EGR1: variants seen among roughly 807,000 people sequenced by gnomAD.
EGR1 encodes the protein early growth response 1, also known as early growth response protein 1.
In EGR1, 8 loss-of-function variants were observed where a neutral mutation model predicts 30.2. That is an observed-to-expected ratio of 0.26 (90% CI 0.16 to 0.48). EGR1 has a LOEUF of 0.48. EGR1 is among the 20% of genes least tolerant of loss of function. The pLI, the probability that EGR1 is intolerant of heterozygous loss-of-function variation, is 0.99. For synonymous variants in EGR1, 334 were observed against 312.8 expected (o/e 1.07, Z -0.72); for missense variants, 568 against 732.3 (o/e 0.78, Z 2.59).
chr5:138,465,739 G>A lies in EGR1; in HGVS notation c.-23G>A, dbSNP rs1186540023. On this transcript the variant is annotated 5_prime_UTR_variant, in exon 1 of 2. Coordinates refer to ENST00000239938, the MANE Select transcript of EGR1 (RefSeq NM_001964.3). ...GCTGCACCCCCCCGCCCCGACACCA[G>A]CTCTCCAGCCTGCTCGTCCAGGATG... The A allele has an allele frequency of 1.3e-6, 2 of 1,544,322 alleles. No homozygotes were observed. The highest frequency in any genetic ancestry group is 1.8e-6 in the Non-Finnish European group (2 of 1,139,482).
Position 138,466,064 on chromosome 5 carries a change from C to T in EGR1, c.303C>T (p.Thr101=), listed in dbSNP as rs1382936992. 11 of 1,576,774 alleles carry T rather than the reference C, an allele frequency of 7.0e-6. No individual in the cohort carries two copies. The South Asian group carries it at 8.3e-5, about 12-fold the overall frequency. The part of the protein sequence containing the change: ...DTGEQPYEHL[T]AESFPDISLN... ...GCGAGCAGCCCTACGAGCACCTGAC[C>T]GCAGGTAAGCAGTGGCCTACGCCGA... Residue 101 remains threonine, a synonymous_variant, in exon 1 of 2, where the codon ACC becomes ACT. Transcript: ENST00000239938.
Position 138,466,962 on chromosome 5 carries a change from G to C in EGR1, c.513G>C (p.Ser171=), listed in dbSNP as rs11953917. ...GCATGACCAACCCACCGGCCTCCTC[G>C]TCCTCAGCACCATCTCCAGCGGCCT... is the stretch of plus-strand genomic sequence containing the variant. ...LVSMTNPPAS[S]SSAPSPAASS... Residue 171 remains serine, a synonymous_variant, in exon 2 of 2, where the codon TCG becomes TCC. Transcript: ENST00000239938. 4,016 of 1,613,892 alleles carry C rather than the reference G, an allele frequency of 2.5e-3. 75 individuals are homozygous for C. In the African/African-American group the frequency reaches 0.046, roughly 19 times the overall value.
chr5:138,468,348 A>G lies in EGR1; in HGVS notation c.*267A>G. The G allele has an allele frequency of 1.5e-6, 1 of 652,502 alleles. No homozygotes were observed. Among genetic ancestry groups the G allele is most frequent in the South Asian group, 1.5e-5 (1 of 66,706 alleles). The allele number at this position is 652,502 out of a possible 1,614,324, so 40.4% of individuals were successfully genotyped here. A position where few individuals can be genotyped will look rare whatever the true frequency, so the allele number is the denominator to read the frequency against. ...TCTTCACCTCTATCCAAAGAACTTG[A>G]TTTGCATGGATTTTGGATAAATCAT... On this transcript the variant is annotated 3_prime_UTR_variant, in exon 2 of 2. Coordinates refer to ENST00000239938, the MANE Select transcript of EGR1 (RefSeq NM_001964.3).
chr5:138,466,689 G>C (rs766832017), intron 1 of EGR1, 68 bp from the exon 2 acceptor site: 24 of 1,533,544 alleles, frequency 1.6e-5, no homozygotes, highest in Non-Finnish European at 2.1e-5. Flanking sequence ...CTGGCAGCTC[G>C]GGTCGTCCTC....
In EGR1 at chr5:138,467,488, C is replaced by T; in HGVS notation, c.1039C>T (p.Arg347Cys). The T allele has an allele frequency of 1.9e-6, 3 of 1,613,090 alleles. No homozygotes were observed. The highest frequency in any genetic ancestry group is 2.5e-6 in the Non-Finnish European group (3 of 1,180,012). ...CGCTTGCCCAGTGGAGTCCTGTGATCGCCGCTTCTCCCGCTCCGACGAGCT... is the reference window on the plus strand; with the variant it reads ...CGCTTGCCCAGTGGAGTCCTGTGATTGCCGCTTCTCCCGCTCCGACGAGCT... ...PYACPVESCDRRFSRSDELTR... is the reference protein window; with the variant it reads ...PYACPVESCDCRFSRSDELTR... The change falls in exon 2 of 2, where the codon CGC becomes TGC. Residue 347 changes from arginine to cysteine, a missense_variant. Around this residue, in one of 4 missense-constraint regions of EGR1, gnomAD observed 18 missense variants for 27.7 expected, o/e 0.65. Transcript: ENST00000239938. The surrounding 1 kb of genome is among the most constrained non-coding windows in gnomAD (Gnocchi z 8.3).
In EGR1 at chr5:138,467,019, G is replaced by A; in HGVS notation, c.570G>A (p.Leu190=). ...CCTCCGCCTCCCAGAGCCCACCCCT[G>A]AGCTGCGCAGTGCCATCCAACGACA... ...SSASASQSPP[L]SCAVPSNDSS... is the part of the protein sequence containing the mutation. The change falls in exon 2 of 2, where the codon CTG becomes CTA. Residue 190 remains leucine, a synonymous_variant. Coordinates refer to ENST00000239938, the MANE Select transcript of EGR1 (RefSeq NM_001964.3). This position sits in a 1 kb window ranked among gnomAD's most constrained non-coding sequence, Gnocchi z 8.3. The A allele has an allele frequency of 6.2e-7, 1 of 1,614,024 alleles. No homozygotes were observed. The highest frequency in any genetic ancestry group is 8.5e-7 in the Non-Finnish European group (1 of 1,180,024).
At position 138,468,122 on chromosome 5, in the gene EGR1, A is replaced by G. The variant is rs200649112; in HGVS notation, c.*41A>G. ...AAAGGGAAAAGGGAGAAAAAGAAAC[A>G]CAAGAGACTTAAAGGACAGGAGGAG... On this transcript the variant is annotated 3_prime_UTR_variant, in exon 2 of 2. Coordinates refer to ENST00000239938, the MANE Select transcript of EGR1 (RefSeq NM_001964.3). 1 of 1,537,732 alleles carries G rather than the reference A, an allele frequency of 6.5e-7. No individual in the cohort carries two copies. Among genetic ancestry groups the G allele is most frequent in the South Asian group, 1.3e-5 (1 of 78,436 alleles).
rs1474289680 is a variant in EGR1 at position 138,466,889 on chromosome 5, A to T, written c.440A>T (p.Asn147Ile). 1 of 1,613,984 alleles carries T rather than the reference A, an allele frequency of 6.2e-7. No individual in the cohort carries two copies. The highest frequency in any genetic ancestry group is 1.1e-5 in the South Asian group (1 of 91,086). The change falls in exon 2 of 2, where the codon AAC (asparagine) becomes ATC (isoleucine). Residue 147 changes from asparagine (N) to isoleucine (I), a missense_variant. Around this residue, in one of 4 missense-constraint regions of EGR1, gnomAD observed 415 missense variants for 445.2 expected, o/e 0.93. Coordinates refer to ENST00000239938, the MANE Select transcript of EGR1 (RefSeq NM_001964.3). ...FSLEPAPNSGNTLWPEPLFSL... is the reference protein window; with the variant it reads ...FSLEPAPNSGITLWPEPLFSL... ...CTGGAGCCTGCACCCAACAGTGGCAACACCTTGTGGCCCGAGCCCCTCTTC... is the reference window on the plus strand; with the variant it reads ...CTGGAGCCTGCACCCAACAGTGGCATCACCTTGTGGCCCGAGCCCCTCTTC...
At position 138,467,259 on chromosome 5, in the gene EGR1, C is replaced by G; in HGVS notation, c.810C>G (p.Asp270Glu). 1 of 1,613,990 alleles carries G rather than the reference C, an allele frequency of 6.2e-7. No homozygotes were observed. Among genetic ancestry groups the G allele is most frequent in the Non-Finnish European group, 8.5e-7 (1 of 1,180,018 alleles). ...GGGATCTGGGCCTGGGCACCCCAGA[C>G]CAGAAGCCCTTCCAGGGCCTGGAGA... ...QQGDLGLGTP[D>E]QKPFQGLESR... Residue 270 changes from aspartate (D) to glutamate (E), a missense_variant, in exon 2 of 2, where the codon GAC becomes GAG. By Grantham distance (45) the Asp-to-Glu change is conservative. Around this residue, in one of 4 missense-constraint regions of EGR1, gnomAD observed 415 missense variants for 445.2 expected, o/e 0.93. Coordinates refer to ENST00000239938, the MANE Select transcript of EGR1 (RefSeq NM_001964.3). The surrounding 1 kb of genome is among the most constrained non-coding windows in gnomAD (Gnocchi z 8.3).
At position 138,468,797 on chromosome 5, in the gene EGR1, T is replaced by G. The variant is rs199986332; in HGVS notation, c.*716T>G. On this transcript the variant is annotated 3_prime_UTR_variant, in exon 2 of 2. Coordinates refer to ENST00000239938, the MANE Select transcript of EGR1 (RefSeq NM_001964.3). ...ATGGTTTGGTTTTTCTTTTTTTTTT[T>G]TTTTGAAAGTGTTTTTTCTTCGTCC... The G allele has an allele frequency of 6.6e-6, 1 of 152,398 alleles. No individual in the cohort carries two copies. Among genetic ancestry groups the G allele is most frequent in the Non-Finnish European group, 1.5e-5 (1 of 68,028 alleles). The allele number at this position is 152,398 out of a possible 1,614,324, so 9.4% of individuals were successfully genotyped here.
At position 138,465,732 on chromosome 5, in the gene EGR1, G is replaced by A; in HGVS notation, c.-30G>A. 9.0e-7 allele frequency: 1 copy of A among 1,108,294 alleles called. No individual in the cohort carries two copies. Among genetic ancestry groups the A allele is most frequent in the Non-Finnish European group, 1.3e-6 (1 of 770,152 alleles). The allele number at this position is 1,108,294 out of a possible 1,614,324, so 68.7% of individuals were successfully genotyped here. A position where few individuals can be genotyped will look rare whatever the true frequency, so the allele number is the denominator to read the frequency against. On this transcript the variant is annotated 5_prime_UTR_variant, in exon 1 of 2. Transcript: ENST00000239938. ...GCCCCGGGCTGCACCCCCCCGCCCC[G>A]ACACCAGCTCTCCAGCCTGCTCGTC... is the stretch of plus-strand genomic sequence containing the variant.
In EGR1 at chr5:138,465,700, A is replaced by C; in HGVS notation, c.-62A>C. 79 of 1,246,926 alleles carry C rather than the reference A, an allele frequency of 6.3e-5. No homozygotes were observed. The highest frequency in any genetic ancestry group is 7.6e-5 in the Non-Finnish European group (69 of 909,640). 77.2% of individuals were successfully genotyped at this position (1,246,926 alleles called of 1,614,324 possible). ...AGGCCCCCGCAACTGTGTCCCCTGCAGCTCCAGCCCCGGGCTGCACCCCCC... is the reference window on the plus strand; with the variant it reads ...AGGCCCCCGCAACTGTGTCCCCTGCCGCTCCAGCCCCGGGCTGCACCCCCC... On this transcript the variant is annotated 5_prime_UTR_variant, in exon 1 of 2. Transcript: ENST00000239938.
In EGR1 at chr5:138,466,876, C is replaced by G. The variant is rs2127037153; in HGVS notation, c.427C>G (p.Pro143Ala). 1 of 1,614,110 alleles carries G rather than the reference C, an allele frequency of 6.2e-7. No homozygotes were observed. Among genetic ancestry groups the G allele is most frequent in the East Asian group, 2.2e-5 (1 of 44,858 alleles). Residue 143 changes from proline to alanine, a missense_variant, in exon 2 of 2, where the codon CCC becomes GCC. Pro to Ala is a conservative substitution (Grantham distance 27). Around this residue, in one of 4 missense-constraint regions of EGR1, gnomAD observed 415 missense variants for 445.2 expected, o/e 0.93. Coordinates refer to ENST00000239938, the MANE Select transcript of EGR1 (RefSeq NM_001964.3). ...TGGCCGCTTTTCCCTGGAGCCTGCA[C>G]CCAACAGTGGCAACACCTTGTGGCC... ...YTGRFSLEPAPNSGNTLWPEP... is the reference protein window; with the variant it reads ...YTGRFSLEPAANSGNTLWPEP...
In EGR1 at chr5:138,465,955, G is replaced by T; in HGVS notation, c.194G>T (p.Ser65Ile). The change falls in exon 1 of 2, where the codon AGC (serine) becomes ATC (isoleucine). Residue 65 changes from serine to isoleucine, a missense_variant. Ser to Ile is a moderately radical substitution (Grantham distance 142). Around this residue, in one of 4 missense-constraint regions of EGR1, gnomAD observed 415 missense variants for 445.2 expected, o/e 0.93. Transcript: ENST00000239938. ...GGCAGCGGCAGCAACAGCAGCAGCAGCAGCAGCGGGGGCGGTGGAGGCGGC... is the reference window on the plus strand; with the variant it reads ...GGCAGCGGCAGCAACAGCAGCAGCATCAGCAGCGGGGGCGGTGGAGGCGGC... ...PEGSGSNSSSSSSGGGGGGGG... is the reference protein window; with the variant it reads ...PEGSGSNSSSISSGGGGGGGG... 6.2e-7 allele frequency: 1 copy of T among 1,612,300 alleles called. No individual in the cohort carries two copies. The highest frequency in any genetic ancestry group is 8.5e-7 in the Non-Finnish European group (1 of 1,179,250).
At position 138,465,838 on chromosome 5, in the gene EGR1, C is replaced by G; in HGVS notation, c.77C>G (p.Ser26Trp). 1 of 1,613,988 alleles carries G rather than the reference C, an allele frequency of 6.2e-7. No homozygotes were observed. Among genetic ancestry groups the G allele is most frequent in the Non-Finnish European group, 8.5e-7 (1 of 1,179,852 alleles). ...GACCCGTTCGGATCCTTTCCTCACT[C>G]GCCCACCATGGACAACTACCCTAAG... ...ISDPFGSFPH[S>W]PTMDNYPKLE... is the part of the protein sequence containing the mutation. Residue 26 changes from serine (S) to tryptophan (W), a missense_variant, in exon 1 of 2, where the codon TCG (serine) becomes TGG (tryptophan). Ser to Trp is a radical substitution (Grantham distance 177). Coordinates refer to ENST00000239938, the MANE Select transcript of EGR1 (RefSeq NM_001964.3).
At position 138,468,623 on chromosome 5, in the gene EGR1, T is replaced by C. The variant is rs987380067; in HGVS notation, c.*542T>C. 1.8e-5 allele frequency: 3 copies of C among 170,672 alleles called. No individual in the cohort carries two copies. 10.6% of individuals were successfully genotyped at this position (170,672 alleles called of 1,614,324 possible). A position where few individuals can be genotyped will look rare whatever the true frequency, so the allele number is the denominator to read the frequency against. The stretch of plus-strand genomic sequence containing the variant: ...GAAAAGCCAAGCAAACCAATGGTGA[T>C]CCTCTATTTTGTGATGATGCTGTGA... On this transcript the variant is annotated 3_prime_UTR_variant, in exon 2 of 2. Coordinates refer to ENST00000239938, the MANE Select transcript of EGR1 (RefSeq NM_001964.3).
Position 138,466,059 on chromosome 5 carries a change from C to A in EGR1, c.298C>A (p.Leu100Met). Residue 100 changes from leucine (L) to methionine (M), a missense_variant, in exon 1 of 2, where the codon CTG becomes ATG. Physicochemically the swap from Leu to Met is conservative, Grantham distance 15. This residue lies in a region of EGR1 where 415 missense variants were observed against 445.2 expected (regional missense o/e 0.93). Transcript: ENST00000239938. ...CACGGGCGAGCAGCCCTACGAGCAC[C>A]TGACCGCAGGTAAGCAGTGGCCTAC... ...ADTGEQPYEHLTAESFPDISL... is the reference protein window; with the variant it reads ...ADTGEQPYEHMTAESFPDISL... The A allele has an allele frequency of 6.3e-7, 1 of 1,581,858 alleles. No homozygotes were observed. Among genetic ancestry groups the A allele is most frequent in the Middle Eastern group, 1.7e-4 (1 of 5,920 alleles).
chr5:138,466,901 C>T lies in EGR1; in HGVS notation c.452C>T (p.Pro151Leu). The change falls in exon 2 of 2, where the codon CCC becomes CTC. Residue 151 changes from proline to leucine, a missense_variant. This residue lies in a region of EGR1 where 415 missense variants were observed against 445.2 expected (regional missense o/e 0.93). Coordinates refer to ENST00000239938, the MANE Select transcript of EGR1 (RefSeq NM_001964.3). The part of the protein sequence containing the change: ...PAPNSGNTLW[P>L]EPLFSLVSGL... The stretch of plus-strand genomic sequence containing the variant: ...CCCAACAGTGGCAACACCTTGTGGC[C>T]CGAGCCCCTCTTCAGCTTGGTCAGT... The T allele has an allele frequency of 6.2e-7, 1 of 1,614,054 alleles. No homozygotes were observed.
chr5:138,468,175 T>C lies in EGR1; in HGVS notation c.*94T>C. On this transcript the variant is annotated 3_prime_UTR_variant, in exon 2 of 2. Transcript: ENST00000239938. ...GATGGCCATAGGAGAGGAGGGTTCC[T>C]CTTAGGTCAGATGGAGGTTCTCAGA... 2 of 1,526,786 alleles carry C rather than the reference T, an allele frequency of 1.3e-6. No individual in the cohort carries two copies. The highest frequency in any genetic ancestry group is 1.8e-6 in the Non-Finnish European group (2 of 1,137,748). 94.6% of individuals were successfully genotyped at this position (1,526,786 alleles called of 1,614,324 possible).
Sources: gnomAD v4.1 joint callset for allele counts on GRCh38, gnomAD v4.1.1 for gene constraint, gnomAD v4.1.1 regional missense constraint, Gnocchi (gnomAD v3.1) non-coding constraint, MANE v1.5 for transcripts, NCBI Gene and HGNC (gene_info 2026-07-23, HGNC 2026-07-21) for gene names.